Variants in PTPN2 observed in about 807,000 individuals in gnomAD.
The protein encoded by PTPN2 is tyrosine-protein phosphatase non-receptor type 2.
PTPN2 carries 19 observed loss-of-function variants against 57.3 expected under a neutral mutation model. That is an observed-to-expected ratio of 0.33 (90% confidence interval 0.23 to 0.49). PTPN2 has a LOEUF of 0.49. PTPN2 is among the 20% of genes least tolerant of loss of function. The pLI, the probability that PTPN2 is intolerant of heterozygous loss-of-function variation, is 0.99. For missense variants in PTPN2, 358 were observed against 501.1 expected, an observed-to-expected ratio of 0.71 and a Z score of 2.73; for synonymous variants, 153 against 164.9, an observed-to-expected ratio of 0.93 and a Z score of 0.55.
intron 2 of PTPN2, among the ~76,000 whole-genome samples, chr18:12,854,371 A>AAG: frequency 6.6e-6 from 1 of 151,336 alleles, no homozygotes; most frequent in Non-Finnish European, 1.5e-5. Flanking sequence ...AAAAAAAAAA[A>AAG]AAAAGAAAAA....
rs563242822 is a variant in PTPN2 at position 12,829,827 on chromosome 18, T to C, written c.360+1116A>G. Reference sequence around the variant, plus strand: ...TAAGAAGCTGAACACTGACCAATAATGGCTATTAATGAAATAAAAAGAACA... The same window carrying C: ...TAAGAAGCTGAACACTGACCAATAACGGCTATTAATGAAATAAAAAGAACA... On this transcript the variant is annotated intron_variant, in intron 4 of 8. Transcript: ENST00000309660. 2.6e-5 allele frequency among the ~76,000 whole-genome samples: 4 copies of C among 152,234 alleles called. No individual in the cohort carries two copies. The South Asian group carries it at 6.2e-4, about 24-fold the overall frequency.
chr18:12,841,041 T>G, intron 2 of PTPN2: 1 of 1,324,948 alleles, frequency 7.5e-7, no homozygotes, highest in South Asian at 1.6e-5. Flanking sequence ...CATTATTTGT[T>G]TGAAGCTTTT....
intron 1 of PTPN2, among the ~76,000 whole-genome samples, chr18:12,859,872 G>A (rs1408798330): frequency 6.6e-6 from 1 of 152,166 alleles, no homozygotes; most frequent in Non-Finnish European, 1.5e-5. Context: ...TCAGCAACAA[G>A]CCTGGCGCAG....
At chr18:12,795,523 G>A (rs1228279300) in intron 8 of PTPN2, among the ~76,000 whole-genome samples, 1 of 152,144 alleles carries the variant, frequency 6.6e-6, no homozygotes, top group Non-Finnish European at 1.5e-5. Context: ...TTGAACTCCT[G>A]ATCTCAAGTG....
exon 10 of PTPN2, chr18:12,785,634 C>G (rs2040828677): frequency 1.6e-6 from 1 of 644,748 alleles, no homozygotes; most frequent in East Asian, 2.7e-5. Flanking sequence ...ATTAAAGGTT[C>G]TGCAAAGTCT....
Position 12,794,105 on chromosome 18 carries a change from C to A in PTPN2, c.*173G>T, listed in dbSNP as rs1011504655. The A allele has an allele frequency of 7.0e-7, 1 of 1,436,168 alleles. No homozygotes were observed. The highest frequency in any genetic ancestry group is 9.1e-7 in the Non-Finnish European group (1 of 1,100,752). The allele number at this position is 1,436,168 out of a possible 1,614,324, so 89.0% of individuals were successfully genotyped here. A position where few individuals can be genotyped will look rare whatever the true frequency, so the allele number is the denominator to read the frequency against. ...ACAGTTTGGGGTTCAGAGGAACCTG[C>A]AGTCAAGAGTCCTGAGATGTTGGGC... is the stretch of plus-strand genomic sequence containing the variant. On this transcript the variant is annotated 3_prime_UTR_variant, in exon 9 of 9. Transcript: ENST00000309660.
At chr18:12,799,800 T>C (rs1320255424) in intron 8 of PTPN2, among the ~76,000 whole-genome samples, 6 of 152,160 alleles carry the variant, frequency 3.9e-5, no homozygotes, top group Non-Finnish European at 1.5e-5. Context: ...CTGGTTAATT[T>C]TTGTATTTTC....
Position 12,817,436 on chromosome 18 carries a change from A to C in PTPN2, c.496-71T>G. The C allele has an allele frequency of 5.2e-6, 6 of 1,161,132 alleles. No homozygotes were observed. In the Middle Eastern group the frequency reaches 1.2e-3, roughly 231 times the overall value. The allele number at this position is 1,161,132 out of a possible 1,614,324, so 71.9% of individuals were successfully genotyped here. A position where few individuals can be genotyped will look rare whatever the true frequency, so the allele number is the denominator to read the frequency against. On this transcript the variant is annotated intron_variant, in intron 5 of 8. Coordinates refer to ENST00000309660, the MANE Select transcript of PTPN2 (RefSeq NM_002828.4). ...TTTAAAAAACTACTTCAGAAAGATCATGTGTTTTATATAATTCTTTAAAGC... is the reference window on the plus strand; with the variant it reads ...TTTAAAAAACTACTTCAGAAAGATCCTGTGTTTTATATAATTCTTTAAAGC...
chr18:12,806,700 A>G (rs1701129174), intron 7 of PTPN2, among the ~76,000 whole-genome samples: 1 of 152,202 alleles, frequency 6.6e-6, no homozygotes, highest in Non-Finnish European at 1.5e-5. Flanking sequence ...GGTGAAGGAC[A>G]GTCTCTTTGA....
chr18:12,871,214 T>C (rs2044259723), intron 1 of PTPN2, among the ~76,000 whole-genome samples: 1 of 152,348 alleles, frequency 6.6e-6, no homozygotes, highest in East Asian at 1.9e-4. Flanking sequence ...ATGGGACACA[T>C]AGGTTATTTC....
At chr18:12,833,302 T>A (rs374014740) in intron 3 of PTPN2, among the ~76,000 whole-genome samples, 19 of 152,364 alleles carry the variant, frequency 1.2e-4, no homozygotes, top group Middle Eastern at 6.8e-3. Context: ...CATCTCTAGT[T>A]TTCTGTATCC....
intron 2 of PTPN2, among the ~76,000 whole-genome samples, chr18:12,842,021 C>A (rs373565966): frequency 1.7e-4 from 26 of 152,176 alleles, no homozygotes; most frequent in African/African-American, 6.3e-4. Flanking sequence ...ATTCTCCTGC[C>A]TCAGCCTCCT....
chr18:12,874,334 C>G (rs1317104502), intron 1 of PTPN2, among the ~76,000 whole-genome samples: 1 of 136,788 alleles, frequency 7.3e-6, no homozygotes, highest in African/African-American at 2.8e-5. Context: ...CCAGCCGCCC[C>G]GTCTGGGAGG....
chr18:12,834,757 A>G (rs1161089056), intron 3 of PTPN2, among the ~76,000 whole-genome samples: 8 of 152,284 alleles, frequency 5.3e-5, no homozygotes, highest in Middle Eastern at 3.4e-3. Context: ...CTTAAGACCT[A>G]TGTTTTTAAG....
At chr18:12,814,130 A>C in intron 7 of PTPN2, 73 bp downstream of exon 7, 1 of 1,137,766 alleles carries the variant, frequency 8.8e-7, no homozygotes, top group Non-Finnish European at 1.3e-6. Flanking sequence ...ACAAGGGCTC[A>C]AGTGGAGTGC....
At chr18:12,847,543 G>A (rs1201300270) in intron 2 of PTPN2, among the ~76,000 whole-genome samples, 1 of 151,738 alleles carries the variant, frequency 6.6e-6, no homozygotes, top group African/African-American at 2.4e-5. Flanking sequence ...AACCACTCCA[G>A]TGCATCAATA....
At chr18:12,789,856 C>CTG (rs869258551), downstream of PTPN2, among the ~76,000 whole-genome samples, 8 of 107,588 alleles carry the variant, frequency 7.4e-5, no homozygotes, top group Admixed American at 2.7e-4. Context: ...ATATATCTCT[C>CTG]TGTATGTGTG....
downstream of PTPN2, among the ~76,000 whole-genome samples, chr18:12,791,278 T>G (rs544279142): frequency 4.3e-4 from 66 of 152,336 alleles, no homozygotes; most frequent in South Asian, 4.3e-3. Flanking sequence ...GGAAATGAAC[T>G]AGATATGAAT....
chr18:12,860,315 T>C (rs1443849928), intron 1 of PTPN2, among the ~76,000 whole-genome samples: 1 of 150,440 alleles, frequency 6.6e-6, no homozygotes, highest in Non-Finnish European at 1.5e-5. Context: ...ATACAAAAAT[T>C]AGGCTGTGCG....
Sources: allele counts gnomAD v4.1 joint callset (sites outside exome capture counted in the v4.1 genomes callset), GRCh38; gene constraint gnomAD v4.1.1; transcripts MANE v1.5; gene names NCBI Gene and HGNC (gene_info 2026-07-23, HGNC 2026-07-21).